The following AGR3 variants were observed in gnomAD, a reference collection of about 807,000 sequenced individuals.
The protein encoded by AGR3 is anterior gradient protein 3.
Under a neutral mutation model 24.5 loss-of-function variants are expected in AGR3, and 37 were observed. The ratio of observed to expected loss-of-function variants is 1.51; its 90% CI spans 1.16 to 1.99. The LOEUF is 1.99. AGR3 is among the 30% of genes most tolerant of loss of function. The pLI is 0.00. For missense variants in AGR3, 228 were observed against 191.1 expected (o/e 1.19, Z -1.14); for synonymous variants, 75 against 61.6 (o/e 1.22, Z -1.02).
chr7:16,864,595 A>T, intron 3 of AGR3: 3 of 1,493,476 alleles, frequency 2.0e-6, no homozygotes, highest in Non-Finnish European at 2.8e-6. Flanking sequence ...TTGATTTCTC[A>T]TTGGAATGGT....
At chr7:16,866,567 A>C (rs781724137) in intron 3 of AGR3, among the ~76,000 whole-genome samples, 1 of 152,172 alleles carries the variant, frequency 6.6e-6, no homozygotes, top group Non-Finnish European at 1.5e-5. Flanking sequence ...ACCAATTCAT[A>C]TTCTCTCTGG....
intron 1 of AGR3, 92 bp from the exon 2 acceptor site, chr7:16,878,737 G>A: frequency 1.1e-6 from 1 of 918,880 alleles, no homozygotes; most frequent in Non-Finnish European, 1.7e-6. Context: ...ATACTGTGAT[G>A]ACAGACTGTT....
intron 3 of AGR3, among the ~76,000 whole-genome samples, chr7:16,863,786 A>C (rs10250679): frequency 0.19 from 28,745 of 151,908 alleles, 3,045 homozygotes; most frequent in Middle Eastern, 0.24. Context: ...GGATATTTAA[A>C]TTGTTTCCAA....
chr7:16,865,259 G>A, intron 3 of AGR3: 1 of 891,198 alleles, frequency 1.1e-6, no homozygotes, highest in Non-Finnish European at 1.8e-6. Context: ...TTGGCCATAA[G>A]TTGTTTTCTC....
At chr7:16,878,995 G>C (rs1487394138) in intron 1 of AGR3, among the ~76,000 whole-genome samples, 1 of 152,148 alleles carries the variant, frequency 6.6e-6, no homozygotes, top group Non-Finnish European at 1.5e-5. Context: ...TTGATGTCTT[G>C]TAAACTATGA....
At chr7:16,860,414 A>G (rs1251516826) in intron 7 of AGR3, 86 bp downstream of exon 7, 2 of 983,670 alleles carry the variant, frequency 2.0e-6, no homozygotes, top group South Asian at 2.6e-5. Context: ...GGTGTGTAGA[A>G]GCACTGATGT....
At chr7:16,872,759 A>C (rs910348128) in intron 3 of AGR3, among the ~76,000 whole-genome samples, 4 of 152,172 alleles carry the variant, frequency 2.6e-5, no homozygotes, top group Non-Finnish European at 4.4e-5. Context: ...CAACAACAAA[A>C]AACCCCAAAT....
chr7:16,864,858 C>G (rs879038316), intron 3 of AGR3: 4 of 863,598 alleles, frequency 4.6e-6, no homozygotes, highest in South Asian at 3.9e-5. Context: ...AGCGTGTATT[C>G]CAGTCACCAC....
At chr7:16,865,852 CT>C (rs878910052) in intron 3 of AGR3, 1 of 736,482 alleles carries the variant, frequency 1.4e-6, no homozygotes, top group South Asian at 1.4e-5. Flanking sequence ...TACCATTCTC[CT>C]TTGATAGCGT....
intron 3 of AGR3, among the ~76,000 whole-genome samples, chr7:16,863,450 T>C (rs895870427): frequency 6.6e-6 from 1 of 152,162 alleles, no homozygotes. Context: ...GGGGGTCATT[T>C]TGATTTTAAC....
chr7:16,864,534 G>T, intron 3 of AGR3: 1 of 1,313,178 alleles, frequency 7.6e-7, no homozygotes, highest in Non-Finnish European at 1.1e-6. Flanking sequence ...GTCTTCCGAA[G>T]TGTTGCTTCA....
chr7:16,867,419 G>A lies in AGR3; in HGVS notation c.174-4757C>T, dbSNP rs553131141. Among the ~76,000 whole-genome samples the A allele has an allele frequency of 5.9e-5, 9 of 152,144 alleles. 1 individual carries two copies. In the East Asian group the frequency reaches 1.7e-3, roughly 29 times the overall value. On this transcript the variant is annotated intron_variant, in intron 3 of 7. Coordinates refer to ENST00000310398, the MANE Select transcript of AGR3 (RefSeq NM_176813.5). ...AGTAAAAGTTGTATATATTTATGGT[G>A]TACAGTATGCTGTTTTGATATATGG...
rs548208299 is a variant in AGR3, at chr7:16,876,927, T to C, written c.109+1583A>G. On this transcript the variant is annotated intron_variant, in intron 2 of 7. Transcript: ENST00000310398. ...AAATCTTTAAGGGCAATAACTAGTT[T>C]AGTCTTTGTCACTTTAGGGCTACTG... Among the ~76,000 whole-genome samples, 205 of 152,276 alleles carry C rather than the reference T, an allele frequency of 1.3e-3. 2 individuals are homozygous for C. The highest frequency in any genetic ancestry group is 2.1e-4 in the South Asian group (1 of 4,820).
downstream of AGR3, among the ~76,000 whole-genome samples, chr7:16,855,314 G>T (rs189726439): frequency 1.5e-3 from 225 of 152,082 alleles, 2 homozygotes; most frequent in Non-Finnish European, 2.4e-3. Context: ...TTGTGAAAGG[G>T]ACACAATTCA....
At chr7:16,879,667 T>G (rs1311624511) in intron 1 of AGR3, among the ~76,000 whole-genome samples, 1 of 152,228 alleles carries the variant, frequency 6.6e-6, no homozygotes, top group Non-Finnish European at 1.5e-5. Flanking sequence ...ATAGTAAAAT[T>G]TCCTTAGCCA....
At chr7:16,860,984 G>A (rs1270831978) in intron 6 of AGR3, among the ~76,000 whole-genome samples, 2 of 150,768 alleles carry the variant, frequency 1.3e-5, no homozygotes, top group East Asian at 2.0e-4. Flanking sequence ...AATCATTTTT[G>A]TTTCTTAATC....
intron 4 of AGR3, 90 bp downstream of exon 4, chr7:16,862,520 C>A (rs541971777): frequency 2.7e-6 from 2 of 728,740 alleles, no homozygotes; most frequent in Admixed American, 3.5e-5. Flanking sequence ...ATTTGCTGAG[C>A]GCCTTCTTAG....
At chr7:16,877,438 C>T (rs1782007915) in intron 2 of AGR3, among the ~76,000 whole-genome samples, 1 of 151,064 alleles carries the variant, frequency 6.6e-6, no homozygotes, top group South Asian at 2.1e-4. Context: ...CTACTATTTG[C>T]AGTGGTAATA....
chr7:16,869,887 C>T (rs142447908), intron 3 of AGR3, among the ~76,000 whole-genome samples: 2 of 151,712 alleles, frequency 1.3e-5, no homozygotes, highest in African/African-American at 4.8e-5. Context: ...CCCTATTGCT[C>T]TCTTTTCAGA....
Sources: allele counts gnomAD v4.1 joint callset (sites outside exome capture counted in the v4.1 genomes callset), GRCh38; gene constraint gnomAD v4.1.1; transcripts MANE v1.5; gene names NCBI Gene and HGNC (gene_info 2026-07-23, HGNC 2026-07-21).